The following STXBP6 variants were observed in gnomAD, a reference collection of about 807,000 sequenced individuals.
STXBP6 encodes the protein syntaxin-binding protein 6.
In STXBP6, 21 loss-of-function variants were observed where a neutral mutation model predicts 26.9. The ratio of observed to expected loss-of-function variants is 0.78; its 90% CI spans 0.55 to 1.12. STXBP6 has a LOEUF of 1.12. Among genes scored for constraint, STXBP6 ranks in the 50% most tolerant of loss-of-function variants. The pLI is 0.00. For missense variants in STXBP6, 232 were observed against 257.9 expected (o/e 0.90, Z 0.69); for synonymous variants, 97 against 92.6 (o/e 1.05, Z -0.27).
intron 4 of STXBP6, among the ~76,000 whole-genome samples, chr14:24,848,661 A>C (rs2069044642): frequency 6.6e-6 from 1 of 152,080 alleles, no homozygotes; most frequent in Non-Finnish European, 1.5e-5. Flanking sequence ...CATGCATTTC[A>C]GCGTAGCTTA....
At chr14:25,036,212 AT>A (rs2075548003) in intron 1 of STXBP6, among the ~76,000 whole-genome samples, 1 of 93,184 alleles carries the variant, frequency 1.1e-5, no homozygotes, top group South Asian at 4.1e-4. Context: ...GCAAGACTCC[AT>A]CAAAAAAAAA....
intron 2 of STXBP6, among the ~76,000 whole-genome samples, chr14:24,931,359 C>T (rs1438941748): frequency 6.6e-6 from 1 of 151,744 alleles, no homozygotes; most frequent in Non-Finnish European, 1.5e-5. Flanking sequence ...AGATTGTGCA[C>T]ATGTACCCTA....
intron 2 of STXBP6, among the ~76,000 whole-genome samples, chr14:24,944,630 T>C (rs981008397): frequency 3.3e-5 from 5 of 152,158 alleles, no homozygotes; most frequent in African/African-American, 4.8e-5. Flanking sequence ...CCTACCTAAG[T>C]TGTTAATGAG....
chr14:24,893,147 A>G (rs1414169459), intron 2 of STXBP6, among the ~76,000 whole-genome samples: 1 of 152,232 alleles, frequency 6.6e-6, no homozygotes, highest in Admixed American at 6.5e-5. Context: ...CTGTCTAAAA[A>G]TTATTGATTT....
intron 5 of STXBP6, among the ~76,000 whole-genome samples, chr14:24,814,619 A>G (rs1481014043): frequency 6.6e-6 from 1 of 152,256 alleles, no homozygotes. Context: ...AGATTTGCAG[A>G]AATACAGTTA....
In STXBP6 at chr14:25,049,893, G is replaced by A; in HGVS notation, c.-48C>T. 1.0e-6 allele frequency: 1 copy of A among 984,632 alleles called. No homozygotes were observed. Among genetic ancestry groups the A allele is most frequent in the Non-Finnish European group, 1.2e-6 (1 of 829,344 alleles). 61.0% of individuals were successfully genotyped at this position (984,632 alleles called of 1,614,324 possible). Reference sequence around the variant, plus strand: ...CCGGTCCTACCGTGCAGCCTGGCTCGCGCCCCTGCCGTGCCAGTGCGCGGC... The same window carrying A: ...CCGGTCCTACCGTGCAGCCTGGCTCACGCCCCTGCCGTGCCAGTGCGCGGC... On this transcript the variant is annotated 5_prime_UTR_variant, in exon 1 of 6. Coordinates refer to ENST00000323944, the MANE Select transcript of STXBP6 (RefSeq NM_001394410.1). The surrounding 1 kb of genome is among the most constrained non-coding windows in gnomAD (Gnocchi z 5.6).
intron 1 of STXBP6, among the ~76,000 whole-genome samples, chr14:25,005,494 A>C (rs1167135600): frequency 6.6e-6 from 1 of 152,246 alleles, no homozygotes; most frequent in Non-Finnish European, 1.5e-5. Context: ...CCACTTATGC[A>C]GTCATCCAAA....
chr14:24,835,360 TA>T (rs2068581792), intron 4 of STXBP6, among the ~76,000 whole-genome samples: 1 of 152,038 alleles, frequency 6.6e-6, no homozygotes, highest in Non-Finnish European at 1.5e-5. Context: ...TTTTGACCAG[TA>T]AAAGAGGTGA....
At chr14:24,969,418 C>T (rs1414423904) in intron 2 of STXBP6, among the ~76,000 whole-genome samples, 2 of 152,164 alleles carry the variant, frequency 1.3e-5, no homozygotes, top group Non-Finnish European at 2.9e-5. Context: ...TGGTAGGTAA[C>T]TGATGTCTAA....
At chr14:25,046,861 A>C (rs2075735853) in intron 1 of STXBP6, among the ~76,000 whole-genome samples, 1 of 152,172 alleles carries the variant, frequency 6.6e-6, no homozygotes, top group Non-Finnish European at 1.5e-5. Context: ...ACTAATACTG[A>C]TCAGCTGCCC....
intron 4 of STXBP6, among the ~76,000 whole-genome samples, chr14:24,840,452 T>C (rs905539494): frequency 6.6e-6 from 1 of 152,216 alleles, no homozygotes; most frequent in African/African-American, 2.4e-5. Context: ...GACAGTGTGA[T>C]TCTTTGTTTA....
At position 24,948,933 on chromosome 14, in the gene STXBP6, G is replaced by T. The variant is rs960288767; in HGVS notation, c.154+25732C>A. On this transcript the variant is annotated intron_variant, in intron 2 of 5. Transcript: ENST00000323944. Reference sequence around the variant, plus strand: ...GCATAAAATAGGGAATACGATCTAGGAGGCATCCTAAAATCGATCCCAATT... The same window carrying T: ...GCATAAAATAGGGAATACGATCTAGTAGGCATCCTAAAATCGATCCCAATT... Among the ~76,000 whole-genome samples, 7 of 152,030 alleles carry T rather than the reference G, an allele frequency of 4.6e-5. 2 individuals are homozygous for T. The highest frequency in any genetic ancestry group is 3.9e-4 in the Admixed American group (6 of 15,258).
intron 1 of STXBP6, 23 bp from the exon 2 acceptor site, chr14:24,974,873 G>C (rs1326943968): frequency 8.8e-6 from 13 of 1,483,862 alleles, no homozygotes; most frequent in Non-Finnish European, 1.1e-5. Context: ...GAAAAGAAAG[G>C]AAAGTTGGAA....
At chr14:24,923,048 A>C (rs539242384) in intron 2 of STXBP6, among the ~76,000 whole-genome samples, 35 of 152,176 alleles carry the variant, frequency 2.3e-4, no homozygotes, top group Non-Finnish European at 4.0e-4. Context: ...ACCCAATATA[A>C]GAAATAACCC....
chr14:24,882,378 C>CAAAAAAAAAAAAAAAAAA (rs57240083), intron 2 of STXBP6, among the ~76,000 whole-genome samples: 14 of 26,828 alleles, frequency 5.2e-4, no homozygotes, highest in Admixed American at 7.5e-4. Flanking sequence ...GACTCCGTCT[C>CAAAAAAAAAAAAAAAAAA]AAAAAAAAAA....
At chr14:24,949,362 G>A (rs1478359168) in intron 2 of STXBP6, among the ~76,000 whole-genome samples, 2 of 152,118 alleles carry the variant, frequency 1.3e-5, no homozygotes, top group Non-Finnish European at 2.9e-5. Flanking sequence ...AACTAAAGAG[G>A]ATTCTGTAGA....
chr14:25,008,632 C>T (rs1302945729), intron 1 of STXBP6, among the ~76,000 whole-genome samples: 4 of 152,156 alleles, frequency 2.6e-5, no homozygotes, highest in Admixed American at 6.5e-5. Flanking sequence ...TGGAGAACAG[C>T]GTCTATTGGC....
Position 24,856,097 on chromosome 14 carries a change from G to A in STXBP6, c.290C>T (p.Ser97Leu), listed in dbSNP as rs754315802. The A allele has an allele frequency of 9.4e-6, 15 of 1,591,888 alleles. No individual in the cohort carries two copies. The highest frequency in any genetic ancestry group is 2.7e-5 in the African/African-American group (2 of 73,698). ...TTCAAACAACAAATCAAACTCTGCC[G>A]AATCCTGGAAAAGACAATGAAATAA... is the stretch of plus-strand genomic sequence containing the variant. ...QVNGIDPNGD[S>L]AEFDLLFENA... is the part of the protein sequence containing the mutation. Residue 97 changes from serine to leucine, a missense_variant, in exon 4 of 6, where the codon TCG becomes TTG. By Grantham distance (145) the Ser-to-Leu change is moderately radical. Transcript: ENST00000323944.
chr14:24,897,427 AG>A (rs149581632), intron 2 of STXBP6, among the ~76,000 whole-genome samples: 4 of 92,236 alleles, frequency 4.3e-5, no homozygotes, highest in Middle Eastern at 5.7e-3. Context: ...AAAAAAAAAA[AG>A]GAAAAAAAAA....
Sources: gnomAD v4.1 joint callset for allele counts (sites outside exome capture counted in the v4.1 genomes callset) on GRCh38, gnomAD v4.1.1 for gene constraint, Gnocchi (gnomAD v3.1) non-coding constraint, MANE v1.5 for transcripts, NCBI Gene and HGNC (gene_info 2026-07-23, HGNC 2026-07-21) for gene names.